PRDM16: variants seen among roughly 807,000 people sequenced by gnomAD.
The protein encoded by PRDM16 is histone-lysine N-methyltransferase PRDM16.
A neutral mutation model predicts 110.6 loss-of-function variants in PRDM16; 23 were observed. The observed-to-expected ratio is 0.21, with a 90% CI of 0.15 to 0.29. The LOEUF (loss-of-function observed/expected upper bound fraction) is 0.29, where lower values mean the gene tolerates loss of function less well. Ranked by LOEUF, PRDM16 falls within the 10% of genes least tolerant of loss-of-function variation. PRDM16 has a pLI of 1.00. For synonymous variants in PRDM16, 799 were observed against 781.8 expected, an observed-to-expected ratio of 1.02 and a Z score of -0.37; for missense variants, 1,615 against 1,794.3, an observed-to-expected ratio of 0.90 and a Z score of 1.81.
At position 3,382,038 on chromosome 1, in the gene PRDM16, C is replaced by T; in HGVS notation, c.439-3114C>T. Among the ~76,000 whole-genome samples the T allele has an allele frequency of 6.6e-6, 1 of 152,248 alleles. No homozygotes were observed. The highest frequency in any genetic ancestry group is 1.9e-4 in the East Asian group (1 of 5,190). On this transcript the variant is annotated intron_variant, in intron 3 of 16. Coordinates refer to ENST00000270722, the MANE Select transcript of PRDM16 (RefSeq NM_022114.4). The surrounding 1 kb of genome is among the most constrained non-coding windows in gnomAD (Gnocchi z 6.6). ...CCCTTCCTGTGGCAGAGGAAGATGG[C>T]AGGGCTGCCGACCACAGCTCTGGCT...
rs1226049183 is a variant in PRDM16 at position 3,339,600 on chromosome 1, C to T, written c.439-45552C>T. Among the ~76,000 whole-genome samples, 1 of 151,988 alleles carries T rather than the reference C, an allele frequency of 6.6e-6. No individual in the cohort carries two copies. The highest frequency in any genetic ancestry group is 2.4e-5 in the African/African-American group (1 of 41,372). ...GGAGGAGGCTGCGGAGCGACCATTG[C>T]CTTGGTCTCGCTCACACCTCCCACC... On this transcript the variant is annotated intron_variant, in intron 3 of 16. Coordinates refer to ENST00000270722, the MANE Select transcript of PRDM16 (RefSeq NM_022114.4). This position sits in a 1 kb window ranked among gnomAD's most constrained non-coding sequence, Gnocchi z 5.0.
In PRDM16 at chr1:3,433,980, G is replaced by C. The variant is rs185606319; in HGVS notation, c.*169G>C. 504 of 686,996 alleles carry C rather than the reference G, an allele frequency of 7.3e-4. 2 individuals carry two copies. In the African/African-American group the frequency reaches 8.2e-3, roughly 11 times the overall value. 42.6% of individuals were successfully genotyped at this position (686,996 alleles called of 1,614,324 possible). On this transcript the variant is annotated 3_prime_UTR_variant, in exon 17 of 17. Transcript: ENST00000270722. ...TCCAATGGAAACTCAGATCCCAAAA[G>C]TCCCTAAAGCAGTCGTAGAGTCTCA...
intron 3 of PRDM16, among the ~76,000 whole-genome samples, chr1:3,378,973 G>T (rs894864803): frequency 1.3e-5 from 2 of 151,948 alleles, no homozygotes; most frequent in African/African-American, 4.8e-5. Flanking sequence ...GGGACAGGCA[G>T]CCAGATGTGG....
chr1:3,338,016 C>T (rs967756313), intron 3 of PRDM16, among the ~76,000 whole-genome samples: 1 of 152,252 alleles, frequency 6.6e-6, no homozygotes, highest in African/African-American at 2.4e-5. Context: ...AATGAATACA[C>T]ACAGACACAT....
intron 3 of PRDM16, among the ~76,000 whole-genome samples, chr1:3,252,824 C>T (rs1639964744): frequency 6.6e-6 from 1 of 152,168 alleles, no homozygotes; most frequent in Admixed American, 6.5e-5. Flanking sequence ...GCCTCACTAC[C>T]ACAGCAGGTT....
intron 1 of PRDM16, among the ~76,000 whole-genome samples, chr1:3,162,056 C>T (rs1643902539): frequency 6.6e-6 from 1 of 152,178 alleles, no homozygotes; most frequent in African/African-American, 2.4e-5. Context: ...CTTCCCGTCC[C>T]CCTAGACCCC....
At chr1:3,115,771 G>A (rs1256355210) in intron 1 of PRDM16, among the ~76,000 whole-genome samples, 5 of 152,240 alleles carry the variant, frequency 3.3e-5, no homozygotes, top group Admixed American at 1.3e-4. Context: ...TGGCATCCTC[G>A]GGGTGCCCTC....
chr1:3,071,163 C>T lies in PRDM16; in HGVS notation c.37+1867C>T, dbSNP rs560311923. 3.3e-5 allele frequency among the ~76,000 whole-genome samples: 5 copies of T among 152,390 alleles called. No homozygotes were observed. In the South Asian group the frequency reaches 6.2e-4, roughly 19 times the overall value. On this transcript the variant is annotated intron_variant, in intron 1 of 16. Coordinates refer to ENST00000270722, the MANE Select transcript of PRDM16 (RefSeq NM_022114.4). ...TAAGCTGGAACGAGAAAGGGGAAAC[C>T]GGCCGCGCTGACGCCGGGGCCTTCG...
chr1:3,366,007 C>T (rs1207359717), intron 3 of PRDM16, among the ~76,000 whole-genome samples: 7 of 151,912 alleles, frequency 4.6e-5, no homozygotes. Context: ...CATACGCGCA[C>T]GCACACACAC....
chr1:3,354,413 T>C (rs1458147565), intron 3 of PRDM16, among the ~76,000 whole-genome samples: 1 of 149,794 alleles, frequency 6.7e-6, no homozygotes, highest in Non-Finnish European at 1.5e-5. Context: ...TGAGCCGAGA[T>C]TGCACCACTG....
chr1:3,404,229 C>T (rs892293891), intron 6 of PRDM16, among the ~76,000 whole-genome samples: 1 of 152,230 alleles, frequency 6.6e-6, no homozygotes, highest in Non-Finnish European at 1.5e-5. Flanking sequence ...AGTGCAGCGG[C>T]CCCTCCGAGC....
chr1:3,385,396 G>T lies in PRDM16; in HGVS notation c.573+110G>T, dbSNP rs1372524798. The T allele has an allele frequency of 2.4e-6, 3 of 1,235,908 alleles. No individual in the cohort carries two copies. The East Asian group carries it at 7.1e-5, about 29-fold the overall frequency. 76.6% of individuals were successfully genotyped at this position (1,235,908 alleles called of 1,614,324 possible). On this transcript the variant is annotated intron_variant, in intron 4 of 16. Coordinates refer to ENST00000270722, the MANE Select transcript of PRDM16 (RefSeq NM_022114.4). Reference sequence around the variant, plus strand: ...CAAGGGTTGTCTGAGCCTCTTTGGGGACATCTGCCAAGCCCTGGCCTGCAG... The same window carrying T: ...CAAGGGTTGTCTGAGCCTCTTTGGGTACATCTGCCAAGCCCTGGCCTGCAG...
chr1:3,396,484 A>C lies in PRDM16; in HGVS notation c.574-7A>C. On this transcript the variant is annotated splice_region_variant and splice_polypyrimidine_tract_variant and intron_variant, in intron 4 of 16. Coordinates refer to ENST00000270722, the MANE Select transcript of PRDM16 (RefSeq NM_022114.4). ...CTCACCCTTTCTCTCTGGTCTCTCC[A>C]TCCTAGATTTACTATAAAGTCATTA... The C allele has an allele frequency of 6.6e-7, 1 of 1,521,240 alleles. No individual in the cohort carries two copies. Among genetic ancestry groups the C allele is most frequent in the Non-Finnish European group, 9.0e-7 (1 of 1,106,204 alleles). 94.2% of individuals were successfully genotyped at this position (1,521,240 alleles called of 1,614,324 possible).
chr1:3,131,372 C>T (rs1302532019), intron 1 of PRDM16, among the ~76,000 whole-genome samples: 1 of 152,114 alleles, frequency 6.6e-6, no homozygotes, highest in Non-Finnish European at 1.5e-5. Flanking sequence ...GCTTTATAAC[C>T]TTTAATTCTT....
Position 3,157,111 on chromosome 1 carries a change from A to G in PRDM16, c.38-29014A>G, listed in dbSNP as rs1643865080. Among the ~76,000 whole-genome samples the G allele has an allele frequency of 6.6e-6, 1 of 152,194 alleles. No individual in the cohort carries two copies. The highest frequency in any genetic ancestry group is 2.4e-5 in the African/African-American group (1 of 41,456). ...GCCCAGTCGCCCAGATGGTGGTCCCAGGGCAGGGAGTGTTAGCACCTGCCG... is the reference window on the plus strand; with the variant it reads ...GCCCAGTCGCCCAGATGGTGGTCCCGGGGCAGGGAGTGTTAGCACCTGCCG... On this transcript the variant is annotated intron_variant, in intron 1 of 16. Coordinates refer to ENST00000270722, the MANE Select transcript of PRDM16 (RefSeq NM_022114.4). The surrounding 1 kb of genome is among the most constrained non-coding windows in gnomAD (Gnocchi z 4.8).
At chr1:3,146,186 C>T (rs566731230) in intron 1 of PRDM16, among the ~76,000 whole-genome samples, 4 of 152,238 alleles carry the variant, frequency 2.6e-5, no homozygotes, top group African/African-American at 7.2e-5. Context: ...CCTTCTGCAC[C>T]GCCCACCCCA....
intron 3 of PRDM16, among the ~76,000 whole-genome samples, chr1:3,357,386 G>C (rs529693440): frequency 6.7e-6 from 1 of 150,290 alleles, no homozygotes; most frequent in African/African-American, 2.5e-5. Context: ...ACCTTCAGCC[G>C]TGTGCTTCCC....
At chr1:3,421,994 A>G (rs1483845263) in intron 12 of PRDM16, among the ~76,000 whole-genome samples, 1 of 150,944 alleles carries the variant, frequency 6.6e-6, no homozygotes, top group Non-Finnish European at 1.5e-5. Flanking sequence ...ACAGGCAGAC[A>G]GACAGACAGG....
chr1:3,258,558 A>G (rs1014067655), intron 3 of PRDM16, among the ~76,000 whole-genome samples: 1 of 152,256 alleles, frequency 6.6e-6, no homozygotes, highest in African/African-American at 2.4e-5. Flanking sequence ...TTAAGTAATA[A>G]AAAGCAAGAC....
Sources: gnomAD v4.1 joint callset for allele counts (sites outside exome capture counted in the v4.1 genomes callset) on GRCh38, gnomAD v4.1.1 for gene constraint, Gnocchi (gnomAD v3.1) non-coding constraint, MANE v1.5 for transcripts, NCBI Gene and HGNC (gene_info 2026-07-23, HGNC 2026-07-21) for gene names.